The following NTN1 variants were observed in gnomAD, a reference collection of about 807,000 sequenced individuals.
NTN1 encodes netrin 1, also known as netrin-1.
A neutral mutation model predicts 54.2 loss-of-function variants in NTN1; 11 were observed. That is an observed-to-expected ratio of 0.20 (90% CI 0.13 to 0.34). NTN1 has a LOEUF of 0.34. NTN1 is among the 10% of genes least tolerant of loss of function. The probability of loss-of-function intolerance (pLI) is 1.00; values close to 1 mark genes in which losing one functional copy is unlikely to be tolerated. For synonymous variants in NTN1, 371 were observed against 382.0 expected, an observed-to-expected ratio of 0.97 and a Z score of 0.33; for missense variants, 740 against 893.1, an observed-to-expected ratio of 0.83 and a Z score of 2.18.
At chr17:9,218,362 G>C (rs62068234) in intron 5 of NTN1, among the ~76,000 whole-genome samples, 11,889 of 152,240 alleles carry the variant, frequency 0.078, 534 homozygotes, top group Non-Finnish European at 0.092. Context: ...TTCATCAACC[G>C]TGAGAACAGT....
chr17:9,126,403 G>C (rs776182835), intron 2 of NTN1, among the ~76,000 whole-genome samples: 3 of 152,182 alleles, frequency 2.0e-5, no homozygotes, highest in Non-Finnish European at 4.4e-5. Flanking sequence ...CCAGCTACTC[G>C]GGAGGCTGAG....
chr17:9,222,679 C>T (rs1267960793), intron 6 of NTN1, among the ~76,000 whole-genome samples: 2 of 152,132 alleles, frequency 1.3e-5, no homozygotes, highest in African/African-American at 4.8e-5. Context: ...ATCTGAGCTC[C>T]GTCCCTTCCC....
intron 2 of NTN1, among the ~76,000 whole-genome samples, chr17:9,045,473 C>A (rs1024282929): frequency 1.3e-5 from 2 of 152,114 alleles, no homozygotes; most frequent in Admixed American, 6.5e-5. Context: ...AACGGGCAGG[C>A]GACCCAGCTT....
In NTN1 at chr17:9,221,462, C is replaced by T. The variant is rs754790487; in HGVS notation, c.1486+220C>T. On this transcript the variant is annotated intron_variant, in intron 6 of 6. Coordinates refer to ENST00000173229, the MANE Select transcript of NTN1 (RefSeq NM_004822.3). The surrounding 1 kb of genome is among the most constrained non-coding windows in gnomAD (Gnocchi z 4.5). ...AGGAGCCCAGTGGCCTGGTTTCTCC[C>T]CTTCACCCTCCTGAGGCTGGGACAC... is the stretch of plus-strand genomic sequence containing the variant. Among the ~76,000 whole-genome samples the T allele has an allele frequency of 2.6e-4, 40 of 152,194 alleles. No individual in the cohort carries two copies. Among genetic ancestry groups the T allele is most frequent in the Non-Finnish European group, 3.7e-4 (25 of 68,036 alleles).
chr17:9,074,520 T>C (rs2092042899), intron 2 of NTN1, among the ~76,000 whole-genome samples: 1 of 152,176 alleles, frequency 6.6e-6, no homozygotes, highest in South Asian at 2.1e-4. Flanking sequence ...GGCGTGACTG[T>C]GAAGAATGGA....
At chr17:9,142,490 C>CT (rs2092301160) in intron 2 of NTN1, among the ~76,000 whole-genome samples, 2 of 151,612 alleles carry the variant, frequency 1.3e-5, no homozygotes, top group South Asian at 4.2e-4. Context: ...TCTCTGTCAG[C>CT]TTCCTTTTCT....
intron 3 of NTN1, among the ~76,000 whole-genome samples, chr17:9,170,841 T>A (rs1044724977): frequency 6.7e-6 from 1 of 148,670 alleles, no homozygotes; most frequent in Admixed American, 6.9e-5. Flanking sequence ...TACAGCCCTA[T>A]TCCTGCCCCA....
At chr17:9,052,224 G>A (rs991069990) in intron 2 of NTN1, among the ~76,000 whole-genome samples, 2 of 152,274 alleles carry the variant, frequency 1.3e-5, no homozygotes, top group South Asian at 2.1e-4. Flanking sequence ...GCCTGCCCCG[G>A]CCTCCCAAAG....
rs1231562524 is a variant in NTN1 at position 9,221,101 on chromosome 17, G to T, written c.1412-67G>T. Reference sequence around the variant, plus strand: ...ATTTAGGGAGGCGGCCTCCTACTCTGCCCGCCAGCCTATTCATCGCCAGCC... The same window carrying T: ...ATTTAGGGAGGCGGCCTCCTACTCTTCCCGCCAGCCTATTCATCGCCAGCC... On this transcript the variant is annotated intron_variant, in intron 5 of 6. Transcript: ENST00000173229. This position sits in a 1 kb window ranked among gnomAD's most constrained non-coding sequence, Gnocchi z 4.5. 8.6e-7 allele frequency: 1 copy of T among 1,167,920 alleles called. No homozygotes were observed. The highest frequency in any genetic ancestry group is 1.3e-6 in the Non-Finnish European group (1 of 774,364). The allele number at this position is 1,167,920 out of a possible 1,614,324, so 72.3% of individuals were successfully genotyped here.
chr17:9,014,117 C>T, the NTN1 span, among the ~76,000 whole-genome samples: 14 of 152,132 alleles, frequency 9.2e-5, no homozygotes, highest in African/African-American at 1.2e-4. Context: ...AGATAAACGA[C>T]GTTGGGGAAA....
At chr17:9,196,795 C>T (rs939808550) in intron 5 of NTN1, among the ~76,000 whole-genome samples, 9 of 152,126 alleles carry the variant, frequency 5.9e-5, no homozygotes, top group African/African-American at 2.2e-4. Flanking sequence ...AGGAGAAAGC[C>T]TTCTATTTGT....
Position 9,239,818 on chromosome 17 carries a change from C to T in NTN1, c.1665C>T (p.Tyr555=), listed in dbSNP as rs1261916948. The change falls in exon 7 of 7, where the codon TAC becomes TAT. Residue 555 remains tyrosine (Y), a synonymous_variant. Transcript: ENST00000173229. The surrounding 1 kb of genome is among the most constrained non-coding windows in gnomAD (Gnocchi z 5.2). ...KCPKIKPLKK[Y]LLLGNAEDSP... ...CCAAAATCAAGCCCCTCAAGAAGTACCTGCTGCTGGGCAACGCGGAGGACT... is the reference window on the plus strand; with the variant it reads ...CCAAAATCAAGCCCCTCAAGAAGTATCTGCTGCTGGGCAACGCGGAGGACT... 1 of 1,613,536 alleles carries T rather than the reference C, an allele frequency of 6.2e-7. No individual in the cohort carries two copies. Among genetic ancestry groups the T allele is most frequent in the African/African-American group, 1.3e-5 (1 of 74,956 alleles).
chr17:9,238,039 T>C (rs1159126775), intron 6 of NTN1, among the ~76,000 whole-genome samples: 1 of 152,182 alleles, frequency 6.6e-6, no homozygotes, highest in Non-Finnish European at 1.5e-5. Flanking sequence ...TGGCATTCAG[T>C]GCTCTCCTGC....
At chr17:9,106,223 G>A (rs938908267) in intron 2 of NTN1, among the ~76,000 whole-genome samples, 1 of 152,170 alleles carries the variant, frequency 6.6e-6, no homozygotes, top group Non-Finnish European at 1.5e-5. Context: ...CCTGCCTTGC[G>A]GGTGAGATGG....
intron 5 of NTN1, among the ~76,000 whole-genome samples, chr17:9,217,553 G>A (rs12940357): frequency 0.39 from 59,561 of 151,878 alleles, 11,884 homozygotes; most frequent in African/African-American, 0.42. Context: ...GAGAACATAC[G>A]GTAACATTTT....
At chr17:9,095,628 T>C (rs1331001954) in intron 2 of NTN1, among the ~76,000 whole-genome samples, 1 of 152,252 alleles carries the variant, frequency 6.6e-6, no homozygotes, top group Non-Finnish European at 1.5e-5. Flanking sequence ...TTTTAGGGCA[T>C]GAATCCCATG....
intron 5 of NTN1, among the ~76,000 whole-genome samples, chr17:9,217,045 CAAA>C (rs201848057): frequency 1.5e-5 from 2 of 133,182 alleles, no homozygotes. Flanking sequence ...GACTCCGTCT[CAAA>C]AAAAAAAAAA....
At chr17:9,131,964 G>A (rs536801045) in intron 2 of NTN1, among the ~76,000 whole-genome samples, 36 of 149,446 alleles carry the variant, frequency 2.4e-4, no homozygotes, top group Non-Finnish European at 5.0e-4. Context: ...AACCACGCCC[G>A]GCTAATTTTT....
At chr17:9,206,946 T>G (rs1904983503) in intron 5 of NTN1, among the ~76,000 whole-genome samples, 1 of 152,150 alleles carries the variant, frequency 6.6e-6, no homozygotes, top group African/African-American at 2.4e-5. Flanking sequence ...CGATTCCTGC[T>G]TGGAGCCTTT....
Sources: gnomAD v4.1 joint callset for allele counts (sites outside exome capture counted in the v4.1 genomes callset) on GRCh38, gnomAD v4.1.1 for gene constraint, Gnocchi (gnomAD v3.1) non-coding constraint, MANE v1.5 for transcripts, NCBI Gene and HGNC (gene_info 2026-07-23, HGNC 2026-07-21) for gene names.